The following RNFT2 variants were observed in gnomAD, a reference collection of about 807,000 sequenced individuals.
RNFT2 encodes E3 ubiquitin-protein ligase RNFT2.
Under a neutral mutation model 53.0 loss-of-function variants are expected in RNFT2, and 36 were observed. The ratio of observed to expected loss-of-function variants is 0.68; its 90% CI spans 0.52 to 0.90. RNFT2 has a LOEUF of 0.90. RNFT2 is among the 40% of genes least tolerant of loss of function. The pLI is 0.00. For missense variants in RNFT2, 514 were observed against 585.6 expected (o/e 0.88, Z 1.26); for synonymous variants, 260 against 253.2 (o/e 1.03, Z -0.26).
chr12:116,819,002 T>C (rs561783749), intron 7 of RNFT2, among the ~76,000 whole-genome samples: 2 of 152,336 alleles, frequency 1.3e-5, no homozygotes, highest in South Asian at 4.1e-4. Context: ...TCCGGGTTCC[T>C]GCGCCACCCT....
intron 3 of RNFT2, among the ~76,000 whole-genome samples, chr12:116,744,243 A>T (rs1355579831): frequency 6.6e-6 from 1 of 151,070 alleles, no homozygotes; most frequent in Non-Finnish European, 1.5e-5. Flanking sequence ...AAAAAAAAAA[A>T]GAGTTGTTTA....
chr12:116,752,218 AGAG>A, intron 4 of RNFT2, among the ~76,000 whole-genome samples: 1 of 151,604 alleles, frequency 6.6e-6, no homozygotes, highest in Non-Finnish European at 1.5e-5. Context: ...GAAAGCTTCG[AGAG>A]GAGATGAGAC....
At chr12:116,742,590 T>C (rs1871664926) in intron 3 of RNFT2, among the ~76,000 whole-genome samples, 2 of 152,006 alleles carry the variant, frequency 1.3e-5, no homozygotes, top group African/African-American at 4.8e-5. Flanking sequence ...TGCTCTTTAG[T>C]TTGGTGTCTG....
chr12:116,811,227 G>T (rs1314948520), intron 7 of RNFT2, among the ~76,000 whole-genome samples: 1 of 151,728 alleles, frequency 6.6e-6, no homozygotes, highest in Non-Finnish European at 1.5e-5. Context: ...AACATAGAAA[G>T]ACCCCCATTT....
chr12:116,813,805 C>T (rs7304747), intron 7 of RNFT2, among the ~76,000 whole-genome samples: 140,198 of 152,276 alleles, frequency 0.92, 64,569 homozygotes, highest in East Asian at 0.94. Flanking sequence ...AAGGGTCTAC[C>T]AGACTTGGAG....
At chr12:116,797,419 GT>G (rs1874553939) in intron 7 of RNFT2, among the ~76,000 whole-genome samples, 1 of 152,056 alleles carries the variant, frequency 6.6e-6, no homozygotes, top group Admixed American at 6.6e-5. Flanking sequence ...AATTAGCCAG[GT>G]TTGGTGGCGT....
chr12:116,754,437 C>G (rs1309862201), intron 5 of RNFT2, among the ~76,000 whole-genome samples: 1 of 152,134 alleles, frequency 6.6e-6, no homozygotes, highest in African/African-American at 2.4e-5. Flanking sequence ...AATTGTGCTG[C>G]TATAAACTTG....
chr12:116,785,714 A>C (rs545362059), intron 7 of RNFT2, among the ~76,000 whole-genome samples: 1 of 152,112 alleles, frequency 6.6e-6, no homozygotes, highest in Non-Finnish European at 1.5e-5. Flanking sequence ...AGTTAGCTCA[A>C]TCCTGCCCTG....
At chr12:116,752,036 T>C (rs1260033383) in intron 4 of RNFT2, among the ~76,000 whole-genome samples, 1 of 152,192 alleles carries the variant, frequency 6.6e-6, no homozygotes, top group Non-Finnish European at 1.5e-5. Context: ...AAGAATTATC[T>C]TGTGGTCTAC....
In RNFT2 at chr12:116,833,912, G is replaced by T. The variant is rs760621547; in HGVS notation, c.1003G>T (p.Val335Phe). 1 of 1,612,316 alleles carries T rather than the reference G, an allele frequency of 6.2e-7. No individual in the cohort carries two copies. The highest frequency in any genetic ancestry group is 8.5e-7 in the Non-Finnish European group (1 of 1,179,240). ...CTCCAACAGCTACTTCCTGGGCGGGGTCCTGATCGTTCTCTACAGCCTCTG... is the reference window on the plus strand; with the variant it reads ...CTCCAACAGCTACTTCCTGGGCGGGTTCCTGATCGTTCTCTACAGCCTCTG... ...DSSNSYFLGG[V>F]LIVLYSLCKS... is the part of the protein sequence containing the mutation. The change falls in exon 8 of 11, where the codon GTC (valine) becomes TTC (phenylalanine). Residue 335 changes from valine to phenylalanine, a missense_variant. Physicochemically the swap from Val to Phe is conservative, Grantham distance 50. Transcript: ENST00000257575.
intron 3 of RNFT2, among the ~76,000 whole-genome samples, chr12:116,744,936 G>C: frequency 6.6e-6 from 1 of 152,118 alleles, no homozygotes; most frequent in East Asian, 1.9e-4. Flanking sequence ...GGACCAACAT[G>C]GGTACCTGCC....
At position 116,809,178 on chromosome 12, in the gene RNFT2, G is replaced by A. The variant is rs75194960; in HGVS notation, c.883-24614G>A. Among the ~76,000 whole-genome samples, 41 of 126,746 alleles carry A rather than the reference G, an allele frequency of 3.2e-4. No individual in the cohort carries two copies. In the East Asian group the frequency reaches 7.3e-3, roughly 22 times the overall value. 83.2% of individuals were successfully genotyped at this position (126,746 alleles called of 152,430 possible). A position where few individuals can be genotyped will look rare whatever the true frequency, so the allele number is the denominator to read the frequency against. ...AACACAGAGGCTGGGCACAGTTAGA[G>A]CTGAGTTTGTTCATTCATTCATTCA... On this transcript the variant is annotated intron_variant, in intron 7 of 10. Transcript: ENST00000257575.
chr12:116,789,270 A>AGATG lies in RNFT2; in HGVS notation c.882+9936_882+9939dup, dbSNP rs762197284. 1.3e-4 allele frequency among the ~76,000 whole-genome samples: 15 copies of AGATG among 114,606 alleles called. No homozygotes were observed. In the East Asian group the frequency reaches 3.8e-3, roughly 29 times the overall value. The allele number at this position is 114,606 out of a possible 152,430, so 75.2% of individuals were successfully genotyped here. The stretch of plus-strand genomic sequence containing the variant: ...GTGGATGGGTAAATGGGAGAAGAGT[A>AGATG]GATGGATGGATGGATGGGTGGGTGG... On this transcript the variant is annotated intron_variant, in intron 7 of 10. Transcript: ENST00000257575.
chr12:116,782,528 TAAAA>T (rs1476248579), intron 7 of RNFT2, among the ~76,000 whole-genome samples: 1 of 151,624 alleles, frequency 6.6e-6, no homozygotes, highest in Non-Finnish European at 1.5e-5. Flanking sequence ...CTCTGCCTCT[TAAAA>T]AAAATAAAAT....
chr12:116,762,001 A>G (rs1872706608), intron 5 of RNFT2, among the ~76,000 whole-genome samples: 1 of 146,748 alleles, frequency 6.8e-6, no homozygotes, highest in Non-Finnish European at 1.5e-5. Flanking sequence ...TGGGAGGCAG[A>G]GGTTGCAGTG....
chr12:116,819,135 C>T (rs1392591292), intron 7 of RNFT2, among the ~76,000 whole-genome samples: 1 of 152,242 alleles, frequency 6.6e-6, no homozygotes, highest in Non-Finnish European at 1.5e-5. Context: ...CAAGCCGCGT[C>T]GCATGGCCCC....
chr12:116,832,867 C>A lies in RNFT2; in HGVS notation c.883-925C>A, dbSNP rs143695481. Among the ~76,000 whole-genome samples the A allele has an allele frequency of 3.3e-3, 500 of 151,768 alleles. 3 individuals are homozygous for A. The highest frequency in any genetic ancestry group is 0.011 in the African/African-American group (470 of 41,358). Reference sequence around the variant, plus strand: ...AACATCCAGCAAGGTCAGGTTCAATCCCAGCCCAGTGTGAGTACCCAAGTC... The same window carrying A: ...AACATCCAGCAAGGTCAGGTTCAATACCAGCCCAGTGTGAGTACCCAAGTC... On this transcript the variant is annotated intron_variant, in intron 7 of 10. Coordinates refer to ENST00000257575, the MANE Select transcript of RNFT2 (RefSeq NM_001382266.1).
chr12:116,841,319 G>A (rs1452287260), intron 10 of RNFT2, among the ~76,000 whole-genome samples: 1 of 152,080 alleles, frequency 6.6e-6, no homozygotes, highest in East Asian at 1.9e-4. Context: ...CAAGTGTGGT[G>A]GTGCACGCCT....
At chr12:116,783,653 G>C (rs1028449903) in intron 7 of RNFT2, among the ~76,000 whole-genome samples, 21 of 152,246 alleles carry the variant, frequency 1.4e-4, no homozygotes, top group African/African-American at 4.8e-4. Context: ...GGATGGGAAG[G>C]AGCCTGGACT....
Sources: gnomAD v4.1 joint callset for allele counts (sites outside exome capture counted in the v4.1 genomes callset) on GRCh38, gnomAD v4.1.1 for gene constraint, MANE v1.5 for transcripts, NCBI Gene and HGNC (gene_info 2026-07-23, HGNC 2026-07-21) for gene names.